FOXN3: variants seen among roughly 807,000 people sequenced by gnomAD.
The protein encoded by FOXN3 is forkhead box protein N3.
FOXN3 carries 7 observed loss-of-function variants against 38.4 expected under a neutral mutation model. The observed-to-expected ratio is 0.18, with a 90% CI of 0.10 to 0.34. The LOEUF is 0.34. Ranked by LOEUF, FOXN3 falls within the 10% of genes least tolerant of loss-of-function variation. The probability of loss-of-function intolerance (pLI) is 1.00; values close to 1 mark genes in which losing one functional copy is unlikely to be tolerated. For synonymous variants in FOXN3, 230 were observed against 242.2 expected, an observed-to-expected ratio of 0.95 and a Z score of 0.47; for missense variants, 456 against 613.4, an observed-to-expected ratio of 0.74 and a Z score of 2.71.
At chr14:89,528,376 CTTTTT>C (rs55935162) in intron 1 of FOXN3, among the ~76,000 whole-genome samples, 367 of 53,410 alleles carry the variant, frequency 6.9e-3, no homozygotes, top group African/African-American at 0.01. Flanking sequence ...ATGGATGAAT[CTTTTT>C]TTTTTTTTTT....
rs182573185 is a variant in FOXN3 at position 89,213,355 on chromosome 14, G to A, written c.746-32549C>T. On this transcript the variant is annotated intron_variant, in intron 4 of 5. Transcript: ENST00000557258. ...GACAGGGGCTCATTCTTAGAGGCAG[G>A]CACTTCACTGGTATGTGTACTTATA... 1.9e-3 allele frequency among the ~76,000 whole-genome samples: 291 copies of A among 152,312 alleles called. 3 individuals are homozygous for A. The highest frequency in any genetic ancestry group is 6.4e-3 in the African/African-American group (265 of 41,572).
At chr14:89,561,810 C>T (rs1895255245) in intron 1 of FOXN3, among the ~76,000 whole-genome samples, 2 of 152,058 alleles carry the variant, frequency 1.3e-5, no homozygotes, top group Admixed American at 1.3e-4. Flanking sequence ...TAACATTTCC[C>T]CATTCAACCT....
chr14:89,311,031 G>A (rs570971786), intron 3 of FOXN3, among the ~76,000 whole-genome samples: 57 of 151,076 alleles, frequency 3.8e-4, no homozygotes, highest in Non-Finnish European at 6.0e-4. Flanking sequence ...ACTTGAACCC[G>A]GGAGGCAGAG....
At chr14:89,479,447 G>A (rs1376208019) in intron 1 of FOXN3, among the ~76,000 whole-genome samples, 2 of 152,134 alleles carry the variant, frequency 1.3e-5, no homozygotes, top group South Asian at 2.1e-4. Flanking sequence ...GGCTTATGAT[G>A]AGCCAAAACT....
intron 3 of FOXN3, among the ~76,000 whole-genome samples, chr14:89,327,515 G>A (rs1337155790): frequency 6.6e-6 from 1 of 152,156 alleles, no homozygotes; most frequent in Non-Finnish European, 1.5e-5. Flanking sequence ...ATCCACAAGT[G>A]GACAGAAGGA....
At chr14:89,341,270 T>G (rs893433886) in intron 3 of FOXN3, among the ~76,000 whole-genome samples, 4 of 152,324 alleles carry the variant, frequency 2.6e-5, no homozygotes, top group Non-Finnish European at 5.9e-5. Flanking sequence ...TGTCAGATGC[T>G]GTTCTGTCTT....
intron 3 of FOXN3, chr14:89,349,812 T>C (rs1888895768): frequency 6.7e-6 from 1 of 148,672 alleles, no homozygotes. Context: ...AAGTGGACTG[T>C]AAAATTCCTG....
intron 1 of FOXN3, among the ~76,000 whole-genome samples, chr14:89,515,012 G>C (rs1756302): frequency 2.6e-5 from 4 of 151,704 alleles, no homozygotes; most frequent in African/African-American, 9.7e-5. Flanking sequence ...CTCCGCATCC[G>C]GAGTTCAAGC....
intron 2 of FOXN3, among the ~76,000 whole-genome samples, chr14:89,400,426 G>C (rs774995361): frequency 2.0e-5 from 3 of 152,160 alleles, no homozygotes; most frequent in South Asian, 2.1e-4. Flanking sequence ...GAAACTTCCT[G>C]ACAGCTCCAC....
At chr14:89,501,102 C>G (rs867782806) in intron 1 of FOXN3, among the ~76,000 whole-genome samples, 3 of 152,072 alleles carry the variant, frequency 2.0e-5, no homozygotes, top group Admixed American at 6.6e-5. Flanking sequence ...ATCTAGCCAT[C>G]GAGGAAGTGG....
chr14:89,615,087 T>C (rs1209673282), intron 1 of FOXN3, among the ~76,000 whole-genome samples: 3 of 151,130 alleles, frequency 2.0e-5, no homozygotes, highest in African/African-American at 7.3e-5. Context: ...TACTATAAAC[T>C]GGATTTAGCC....
chr14:89,321,318 G>A, intron 3 of FOXN3, among the ~76,000 whole-genome samples: 1 of 151,358 alleles, frequency 6.6e-6, no homozygotes, highest in Admixed American at 6.6e-5. Flanking sequence ...ATTAAGGGCT[G>A]GGTAATCCCA....
chr14:89,412,314 T>C lies in FOXN3; in HGVS notation c.163A>G (p.Met55Val), dbSNP rs755841246. 6.8e-6 allele frequency: 11 copies of C among 1,614,114 alleles called. No individual in the cohort carries two copies. The highest frequency in any genetic ancestry group is 1.7e-5 in the Admixed American group (1 of 60,002). The part of the protein sequence containing the change: ...LPDIRLEEGA[M>V]EDEELTNLNW... ...AGGTTGGTCAGCTCTTCATCTTCCA[T>C]GGCCCCCTCTTCTAATCGGATGTCA... is the stretch of plus-strand genomic sequence containing the variant. Residue 55 changes from methionine to valine, a missense_variant, in exon 2 of 6, where the codon ATG (methionine) becomes GTG (valine). Met to Val is a conservative substitution (Grantham distance 21, BLOSUM62 1). Around this residue, in one of 3 missense-constraint regions of FOXN3, gnomAD observed 59 missense variants for 69.0 expected, o/e 0.85. Coordinates refer to ENST00000557258, the MANE Select transcript of FOXN3 (RefSeq NM_005197.4). This position sits in a 1 kb window ranked among gnomAD's most constrained non-coding sequence, Gnocchi z 4.7.
chr14:89,240,278 G>T (rs1246176518), intron 4 of FOXN3, among the ~76,000 whole-genome samples: 1 of 136,958 alleles, frequency 7.3e-6, no homozygotes. Flanking sequence ...CAATTCAATA[G>T]GAAAAAAAAA....
At chr14:89,293,002 G>GTCT (rs1886923472) in intron 3 of FOXN3, among the ~76,000 whole-genome samples, 2 of 152,210 alleles carry the variant, frequency 1.3e-5, no homozygotes, top group South Asian at 4.1e-4. Context: ...TTGCCGGACA[G>GTCT]TCGGCTAGCT....
At chr14:89,436,099 C>A (rs1201567322) in intron 1 of FOXN3, among the ~76,000 whole-genome samples, 2 of 151,476 alleles carry the variant, frequency 1.3e-5, no homozygotes, top group Admixed American at 1.3e-4. Context: ...CCTCGGCCTC[C>A]CAAAATGCTG....
chr14:89,423,358 T>C (rs1424528288), intron 1 of FOXN3, among the ~76,000 whole-genome samples: 1 of 152,222 alleles, frequency 6.6e-6, no homozygotes, highest in African/African-American at 2.4e-5. Flanking sequence ...AATTAATCTT[T>C]GTAAGGAACA....
chr14:89,257,138 T>C (rs1231102349), intron 4 of FOXN3, among the ~76,000 whole-genome samples: 1 of 152,144 alleles, frequency 6.6e-6, no homozygotes, highest in Non-Finnish European at 1.5e-5. Context: ...AGGAGGTGGC[T>C]CCATCCACCA....
intron 1 of FOXN3, among the ~76,000 whole-genome samples, chr14:89,505,310 T>TCC (rs1893893369): frequency 8.6e-6 from 1 of 116,956 alleles, no homozygotes; most frequent in South Asian, 3.3e-4. Flanking sequence ...CCCCACGGTC[T>TCC]CCCTCTGATG....
Sources: allele counts gnomAD v4.1 joint callset (sites outside exome capture counted in the v4.1 genomes callset), GRCh38; gene constraint gnomAD v4.1.1; regional missense constraint gnomAD v4.1.1; non-coding constraint Gnocchi (gnomAD v3.1); transcripts MANE v1.5; gene names NCBI Gene and HGNC (gene_info 2026-07-23, HGNC 2026-07-21).